The following TDRP variants were observed in gnomAD, a reference collection of about 807,000 sequenced individuals.
TDRP encodes the protein testis development-related protein.
Under a neutral mutation model 10.5 loss-of-function variants are expected in TDRP, and 12 were observed. That is an observed-to-expected ratio of 1.15 (90% CI 0.73 to 1.86). TDRP has a LOEUF of 1.86. TDRP is among the 40% of genes most tolerant of loss of function. The pLI is 0.00. For synonymous variants in TDRP, 139 were observed against 95.4 expected (o/e 1.46, Z -2.67); for missense variants, 353 against 229.2 (o/e 1.54, Z -3.49).
chr8:494,353 T>A (rs2116712276), intron 2 of TDRP, 141 bp downstream of exon 2: 4 of 676,468 alleles, frequency 5.9e-6, no homozygotes, highest in South Asian at 5.6e-5. Context: ...ACAGACGGAG[T>A]GGGGAGGGAA....
chr8:539,106 C>A (rs1802424204), intron 1 of TDRP, among the ~76,000 whole-genome samples: 1 of 152,156 alleles, frequency 6.6e-6, no homozygotes, highest in Non-Finnish European at 1.5e-5. Context: ...TCCTGTATAT[C>A]CACGTAAGGA....
At position 521,961 on chromosome 8, in the gene TDRP, T is replaced by C. The variant is rs539354004; in HGVS notation, c.108+22689A>G. Among the ~76,000 whole-genome samples, 6 of 152,204 alleles carry C rather than the reference T, an allele frequency of 3.9e-5. No individual in the cohort carries two copies. The South Asian group carries it at 6.2e-4, about 16-fold the overall frequency. ...CATTATTTCTAAGTACCTTTTTTCTTGATGCTATTATAAGTGTTTTATTAA... is the reference window on the plus strand; with the variant it reads ...CATTATTTCTAAGTACCTTTTTTCTCGATGCTATTATAAGTGTTTTATTAA... On this transcript the variant is annotated intron_variant, in intron 1 of 2. Transcript: ENST00000324079.
intron 1 of TDRP, among the ~76,000 whole-genome samples, chr8:499,623 G>A (rs1332527545): frequency 6.6e-5 from 10 of 152,232 alleles, no homozygotes; most frequent in South Asian, 4.1e-4. Flanking sequence ...AGACATGATC[G>A]AAGTGTGAGC....
intron 1 of TDRP, among the ~76,000 whole-genome samples, chr8:495,963 T>C (rs1484221253): frequency 6.6e-6 from 1 of 152,216 alleles, no homozygotes; most frequent in African/African-American, 2.4e-5. Context: ...TCTGCATCTG[T>C]AGACGGGGGA....
chr8:518,084 C>T (rs752508546), intron 1 of TDRP, among the ~76,000 whole-genome samples: 1 of 152,162 alleles, frequency 6.6e-6, no homozygotes, highest in African/African-American at 2.4e-5. Context: ...ACAGACAACA[C>T]CCAGCGTAAA....
intron 1 of TDRP, among the ~76,000 whole-genome samples, chr8:522,997 G>C (rs187581218): frequency 4.3e-4 from 65 of 152,248 alleles, no homozygotes; most frequent in African/African-American, 1.5e-3. Flanking sequence ...TGGTTGGGGA[G>C]TTTAATCCAT....
chr8:496,796 T>G (rs7015613), intron 1 of TDRP, among the ~76,000 whole-genome samples: 1 of 152,088 alleles, frequency 6.6e-6, no homozygotes, highest in Non-Finnish European at 1.5e-5. Flanking sequence ...GGGAGATGAC[T>G]GGATCATGGG....
At chr8:544,867 G>A, upstream of TDRP, 1 of 769,924 alleles carries the variant, frequency 1.3e-6, no homozygotes, top group Admixed American at 4.5e-5. Flanking sequence ...GGGCCCAGTG[G>A]GCCGGGCGGG....
At chr8:513,437 T>C (rs1028322739) in intron 1 of TDRP, among the ~76,000 whole-genome samples, 8 of 152,132 alleles carry the variant, frequency 5.3e-5, no homozygotes, top group East Asian at 3.9e-4. Context: ...GAAAAAACAT[T>C]TGGCAAAATC....
rs773887851 is a variant in TDRP, at chr8:492,635, C to G, written c.322G>C (p.Gly108Arg). 2 of 1,614,032 alleles carry G rather than the reference C, an allele frequency of 1.2e-6. No homozygotes were observed. Among genetic ancestry groups the G allele is most frequent in the Non-Finnish European group, 1.7e-6 (2 of 1,179,886 alleles). ...IQSKKPDEIEGWEPPKLALED... is the reference protein window; with the variant it reads ...IQSKKPDEIERWEPPKLALED... ...AGAGCAAGTTTTGGAGGCTCCCAACCTTCAATTTCATCTGGTTTTTTAGAC... is the reference window on the plus strand; with the variant it reads ...AGAGCAAGTTTTGGAGGCTCCCAACGTTCAATTTCATCTGGTTTTTTAGAC... The change falls in exon 3 of 3, where the codon GGT becomes CGT. Residue 108 changes from glycine (G) to arginine (R), a missense_variant. Gly to Arg is a moderately radical substitution (Grantham distance 125). Transcript: ENST00000324079.
At chr8:497,334 C>T (rs1261321445) in intron 1 of TDRP, among the ~76,000 whole-genome samples, 1 of 152,232 alleles carries the variant, frequency 6.6e-6, no homozygotes, top group Non-Finnish European at 1.5e-5. Flanking sequence ...GTAAAGGTCC[C>T]TCTTGCTTTG....
At chr8:508,021 C>T (rs929729264) in intron 1 of TDRP, among the ~76,000 whole-genome samples, 6 of 152,152 alleles carry the variant, frequency 3.9e-5, no homozygotes, top group Admixed American at 2.0e-4. Flanking sequence ...GCAGGCAACA[C>T]AAACTGCCAG....
intron 1 of TDRP, among the ~76,000 whole-genome samples, chr8:509,663 T>C (rs942537928): frequency 3.9e-4 from 60 of 152,172 alleles, no homozygotes; most frequent in Non-Finnish European, 1.5e-5. Flanking sequence ...TGGGAGGGGC[T>C]GCCCCAAAGG....
intron 1 of TDRP, among the ~76,000 whole-genome samples, chr8:525,101 C>G (rs1802002735): frequency 6.6e-6 from 1 of 152,140 alleles, no homozygotes; most frequent in East Asian, 1.9e-4. Flanking sequence ...CAATGGAGCT[C>G]CGATAGGTCT....
chr8:526,147 G>C (rs1392211433), intron 1 of TDRP, among the ~76,000 whole-genome samples: 1 of 152,024 alleles, frequency 6.6e-6, no homozygotes, highest in African/African-American at 2.4e-5. Flanking sequence ...AGTATTTGTT[G>C]TAGCCATGCC....
chr8:506,775 T>G (rs1444538950), intron 1 of TDRP, among the ~76,000 whole-genome samples: 1 of 152,188 alleles, frequency 6.6e-6, no homozygotes, highest in Non-Finnish European at 1.5e-5. Flanking sequence ...CAGACAGCTA[T>G]GGACCAGCAC....
chr8:510,018 G>C (rs1184077976), intron 1 of TDRP, among the ~76,000 whole-genome samples: 31 of 152,090 alleles, frequency 2.0e-4, no homozygotes, highest in Admixed American at 2.0e-3. Context: ...ACCGAATTTA[G>C]ACACATGCGA....
At chr8:526,486 C>A (rs1293461749) in intron 1 of TDRP, among the ~76,000 whole-genome samples, 1 of 152,032 alleles carries the variant, frequency 6.6e-6, no homozygotes, top group Non-Finnish European at 1.5e-5. Flanking sequence ...GGGTTTTGTC[C>A]TTCATTGTGT....
chr8:511,840 T>C (rs1404316731), intron 1 of TDRP, among the ~76,000 whole-genome samples: 2 of 152,090 alleles, frequency 1.3e-5, no homozygotes. Context: ...CCAATGGGTC[T>C]AAGAAGGAAA....
Sources: allele counts gnomAD v4.1 joint callset (sites outside exome capture counted in the v4.1 genomes callset), GRCh38; gene constraint gnomAD v4.1.1; transcripts MANE v1.5; gene names NCBI Gene and HGNC (gene_info 2026-07-23, HGNC 2026-07-21).